The following EPM2A variants were observed in gnomAD, a reference collection of about 807,000 sequenced individuals.
EPM2A encodes EPM2A glucan phosphatase, laforin.
EPM2A carries 21 observed loss-of-function variants against 26.5 expected under a neutral mutation model. The ratio of observed to expected loss-of-function variants is 0.79; its 90% CI spans 0.56 to 1.14. EPM2A has a LOEUF of 1.14. EPM2A is among the 50% of genes most tolerant of loss of function. The pLI, the probability that EPM2A is intolerant of heterozygous loss-of-function variation, is 0.00. For missense variants in EPM2A, 458 were observed against 440.8 expected (o/e 1.04, Z -0.35); for synonymous variants, 217 against 177.6 (o/e 1.22, Z -1.76).
At chr6:145,721,387 G>A (rs1775941303) in intron 1 of EPM2A, 1 of 152,148 alleles carries the variant, frequency 6.6e-6, no homozygotes, top group African/African-American at 2.4e-5. Flanking sequence ...AAAAAACTTA[G>A]AAGATATTCC....
intron 4 of EPM2A, among the ~76,000 whole-genome samples, chr6:145,430,249 C>A (rs1778904728): frequency 6.6e-6 from 1 of 151,794 alleles, no homozygotes. Context: ...ATAAATAATC[C>A]CCAAAATGAG....
At chr6:145,537,002 C>G (rs1780441181) in intron 2 of EPM2A, among the ~76,000 whole-genome samples, 1 of 152,052 alleles carries the variant, frequency 6.6e-6, no homozygotes, top group African/African-American at 2.4e-5. Context: ...ATGTGATTGG[C>G]TAGGGGTACA....
intron 2 of EPM2A, chr6:145,684,727 A>G (rs768179065): frequency 6.6e-6 from 1 of 152,222 alleles, no homozygotes; most frequent in African/African-American, 2.4e-5. Context: ...AAATGACTAA[A>G]GTAGAACTTG....
At position 145,735,242 on chromosome 6, in the gene EPM2A, T is replaced by A. The variant is rs758962906; in HGVS notation, c.257A>T (p.Tyr86Phe). The change falls in exon 1 of 4, where the codon TAC (tyrosine) becomes TTC (phenylalanine). Residue 86 changes from tyrosine to phenylalanine, a missense_variant. Tyr to Phe is a conservative substitution (Grantham distance 22). Transcript: ENST00000367519. ...AEPGRVDTFW[Y>F]KFLKREPGGE... ...TCCCGGCTCCCGCTTCAGGAACTTGTACCAGAACGTGTCCACGCGGCCCGG... is the reference window on the plus strand; with the variant it reads ...TCCCGGCTCCCGCTTCAGGAACTTGAACCAGAACGTGTCCACGCGGCCCGG... The A allele has an allele frequency of 6.5e-7, 1 of 1,537,274 alleles. No individual in the cohort carries two copies. Among genetic ancestry groups the A allele is most frequent in the South Asian group, 1.2e-5 (1 of 83,062 alleles).
intron 2 of EPM2A, among the ~76,000 whole-genome samples, chr6:145,513,686 T>C (rs954788800): frequency 6.6e-6 from 1 of 152,200 alleles, no homozygotes; most frequent in African/African-American, 2.4e-5. Context: ...AATATGAATA[T>C]TGATTATTCA....
chr6:145,695,914 T>G (rs1337146255), intron 1 of EPM2A, among the ~76,000 whole-genome samples: 2 of 152,026 alleles, frequency 1.3e-5, no homozygotes, highest in Non-Finnish European at 2.9e-5. Context: ...AAGGAAACAT[T>G]GGACTTTAAT....
chr6:145,490,789 G>T (rs954846942), intron 4 of EPM2A: 33 of 571,388 alleles, frequency 5.8e-5, no homozygotes, highest in Non-Finnish European at 5.4e-5. Context: ...CCACAGTTTC[G>T]ATACTTTCTA....
chr6:145,652,703 C>T (rs926150207), intron 2 of EPM2A, among the ~76,000 whole-genome samples: 2 of 151,626 alleles, frequency 1.3e-5, no homozygotes, highest in African/African-American at 4.8e-5. Flanking sequence ...TTCATGGGTA[C>T]ATGAACTTCT....
chr6:145,628,676 G>A (rs527780203), intron 3 of EPM2A: 3 of 152,336 alleles, frequency 2.0e-5, no homozygotes, highest in Admixed American at 6.5e-5. Context: ...ACAGTGGCCC[G>A]AAAGGATCCT....
intron 4 of EPM2A, among the ~76,000 whole-genome samples, chr6:145,427,701 C>G (rs546399130): frequency 2.6e-5 from 4 of 152,234 alleles, no homozygotes; most frequent in African/African-American, 9.6e-5. Flanking sequence ...ATGATGATGG[C>G]CCTTACTACT....
At chr6:145,705,585 G>T (rs1195451291) in intron 1 of EPM2A, 1 of 456,110 alleles carries the variant, frequency 2.2e-6, no homozygotes, top group Non-Finnish European at 4.4e-6. Context: ...AAGTGCAGGG[G>T]TTTGATTATC....
At chr6:145,398,558 C>T (rs967160930) in intron 4 of EPM2A, among the ~76,000 whole-genome samples, 3 of 152,038 alleles carry the variant, frequency 2.0e-5, no homozygotes, top group East Asian at 1.9e-4. Context: ...AATCCATTAA[C>T]AATAAACATT....
intron 2 of EPM2A, among the ~76,000 whole-genome samples, chr6:145,649,324 T>C (rs764740130): frequency 9.9e-5 from 15 of 152,224 alleles, no homozygotes; most frequent in Non-Finnish European, 2.1e-4. Flanking sequence ...ATGGGATTAA[T>C]GCATATCTCA....
chr6:145,609,559 T>C (rs912304987), intron 2 of EPM2A, among the ~76,000 whole-genome samples: 3 of 152,222 alleles, frequency 2.0e-5, no homozygotes, highest in Admixed American at 1.3e-4. Flanking sequence ...TGCCTTTCTC[T>C]TTTGAAGTTC....
chr6:145,465,790 A>T (rs941040780), intron 4 of EPM2A, among the ~76,000 whole-genome samples: 2 of 152,114 alleles, frequency 1.3e-5, no homozygotes, highest in Non-Finnish European at 2.9e-5. Context: ...CAAAACAGAG[A>T]TATAGATCAA....
intron 4 of EPM2A, among the ~76,000 whole-genome samples, chr6:145,432,296 G>C (rs1035019019): frequency 2.0e-5 from 3 of 152,120 alleles, no homozygotes; most frequent in African/African-American, 7.2e-5. Context: ...ACTTTGTCCA[G>C]ATCTACTCAC....
At chr6:145,395,763 A>G (rs1224003629) in intron 4 of EPM2A, among the ~76,000 whole-genome samples, 2 of 152,130 alleles carry the variant, frequency 1.3e-5, no homozygotes, top group African/African-American at 4.8e-5. Context: ...CACCACACAC[A>G]GACTAAAGGA....
chr6:145,654,407 A>G (rs1582976784), intron 2 of EPM2A, among the ~76,000 whole-genome samples: 1 of 152,254 alleles, frequency 6.6e-6, no homozygotes, highest in East Asian at 1.9e-4. Context: ...TGTAATCATA[A>G]TACTGTATTA....
chr6:145,651,067 A>G (rs973487488), intron 2 of EPM2A, among the ~76,000 whole-genome samples: 1 of 152,232 alleles, frequency 6.6e-6, no homozygotes, highest in Non-Finnish European at 1.5e-5. Context: ...AAGGGATTTT[A>G]TTCAATATGA....
Sources: allele counts gnomAD v4.1 joint callset (sites outside exome capture counted in the v4.1 genomes callset), GRCh38; gene constraint gnomAD v4.1.1; transcripts MANE v1.5; gene names NCBI Gene and HGNC (gene_info 2026-07-23, HGNC 2026-07-21).